The following HTR1F variants were observed in gnomAD, a reference collection of about 807,000 sequenced individuals.
HTR1F encodes 5-hydroxytryptamine receptor 1F, also known as 5-hydroxytryptamine (serotonin) receptor 1F, G protein-coupled.
A neutral mutation model predicts 24.0 loss-of-function variants in HTR1F; 17 were observed. That is an observed-to-expected ratio of 0.71 (90% confidence interval 0.48 to 1.06). The LOEUF is 1.06. Ranked by LOEUF, HTR1F falls within the 50% of genes least tolerant of loss-of-function variation. The pLI is 0.00. For synonymous variants in HTR1F, 186 were observed against 156.8 expected, an observed-to-expected ratio of 1.19 and a Z score of -1.39; for missense variants, 391 against 427.8, an observed-to-expected ratio of 0.91 and a Z score of 0.76.
chr3:87,916,877 T>A (rs1156459785), intron 2 of HTR1F, among the ~76,000 whole-genome samples: 1 of 152,136 alleles, frequency 6.6e-6, no homozygotes, highest in Non-Finnish European at 1.5e-5. Flanking sequence ...AACAGCTATA[T>A]GCAGAGCATT....
At chr3:87,868,617 A>AT (rs1705477520) in intron 2 of HTR1F, among the ~76,000 whole-genome samples, 1 of 151,820 alleles carries the variant, frequency 6.6e-6, no homozygotes, top group African/African-American at 2.4e-5. Context: ...TAAAATATAT[A>AT]TTTTAGATAA....
chr3:87,906,250 T>C (rs1171690456), intron 2 of HTR1F, among the ~76,000 whole-genome samples: 1 of 152,100 alleles, frequency 6.6e-6, no homozygotes, highest in African/African-American at 2.4e-5. Context: ...TAAGGCCTTA[T>C]GTGAAACTTG....
At chr3:87,851,859 A>G (rs1225830929) in intron 2 of HTR1F, among the ~76,000 whole-genome samples, 1 of 151,522 alleles carries the variant, frequency 6.6e-6, no homozygotes, top group Non-Finnish European at 1.5e-5. Context: ...ATGATGTTAC[A>G]TTAGGATTAG....
intron 2 of HTR1F, among the ~76,000 whole-genome samples, chr3:87,875,405 A>T (rs1288243108): frequency 2.6e-5 from 4 of 151,716 alleles, no homozygotes; most frequent in Non-Finnish European, 5.9e-5. Context: ...AGCCGAGATC[A>T]TACCACTGCA....
At chr3:87,929,768 A>G (rs9830274) in intron 2 of HTR1F, among the ~76,000 whole-genome samples, 66,501 of 151,890 alleles carry the variant, frequency 0.44, 15,548 homozygotes, top group African/African-American at 0.61. Flanking sequence ...GCTTAGGATT[A>G]TCTTGGCTAT....
chr3:87,985,885 C>T (rs984195170), intron 2 of HTR1F, among the ~76,000 whole-genome samples: 1 of 152,210 alleles, frequency 6.6e-6, no homozygotes, highest in Non-Finnish European at 1.5e-5. Flanking sequence ...ATTTTAAAAA[C>T]TGAGTAAGCA....
chr3:87,875,604 C>A (rs1288484662), intron 2 of HTR1F, among the ~76,000 whole-genome samples: 1 of 151,842 alleles, frequency 6.6e-6, no homozygotes, highest in East Asian at 1.9e-4. Context: ...GACACAACAG[C>A]AAAAAATCAA....
intron 2 of HTR1F, among the ~76,000 whole-genome samples, chr3:87,929,092 A>C (rs1704196970): frequency 6.6e-6 from 1 of 152,232 alleles, no homozygotes. Flanking sequence ...TTGATGAGTA[A>C]GAAATTAAGT....
intron 2 of HTR1F, among the ~76,000 whole-genome samples, chr3:87,901,957 A>C (rs1706333649): frequency 6.6e-6 from 1 of 152,146 alleles, no homozygotes; most frequent in South Asian, 2.1e-4. Context: ...AAATGCAGTA[A>C]TAAACCATAG....
At chr3:87,872,605 G>A (rs1233619098) in intron 2 of HTR1F, among the ~76,000 whole-genome samples, 1 of 151,582 alleles carries the variant, frequency 6.6e-6, no homozygotes, top group Admixed American at 6.6e-5. Flanking sequence ...AAATGAAAGA[G>A]GAGACACTAC....
At chr3:87,886,814 C>T (rs1008924111) in intron 2 of HTR1F, among the ~76,000 whole-genome samples, 25 of 152,228 alleles carry the variant, frequency 1.6e-4, no homozygotes, top group African/African-American at 5.5e-4. Flanking sequence ...CAAACCACTG[C>T]TCAATGAAAT....
intron 2 of HTR1F, among the ~76,000 whole-genome samples, chr3:87,839,317 C>T (rs895438003): frequency 6.6e-6 from 1 of 152,100 alleles, no homozygotes; most frequent in Non-Finnish European, 1.5e-5. Flanking sequence ...CCACCATCTA[C>T]TGAAAAGACT....
At chr3:87,862,952 G>C (rs1469196043) in intron 2 of HTR1F, among the ~76,000 whole-genome samples, 2 of 152,026 alleles carry the variant, frequency 1.3e-5, no homozygotes, top group East Asian at 3.9e-4. Context: ...GAGTAGCTGG[G>C]ATTACAAACA....
At chr3:87,913,751 A>G (rs541838971) in intron 2 of HTR1F, among the ~76,000 whole-genome samples, 4 of 152,296 alleles carry the variant, frequency 2.6e-5, no homozygotes, top group African/African-American at 9.6e-5. Flanking sequence ...ATACTATGCA[A>G]CCATACAAAA....
chr3:87,859,467 G>A (rs1425921592), intron 2 of HTR1F, among the ~76,000 whole-genome samples: 2 of 152,174 alleles, frequency 1.3e-5, no homozygotes, highest in African/African-American at 4.8e-5. Context: ...CAAAACAGTA[G>A]CAAATTTTGT....
intron 2 of HTR1F, among the ~76,000 whole-genome samples, chr3:87,831,510 C>T (rs1364294783): frequency 1.3e-5 from 2 of 151,570 alleles, no homozygotes; most frequent in African/African-American, 2.4e-5. Context: ...TTACAGGCGC[C>T]GGCCACCACG....
intron 2 of HTR1F, among the ~76,000 whole-genome samples, chr3:87,948,413 G>A (rs2107456840): frequency 6.6e-6 from 1 of 151,974 alleles, no homozygotes; most frequent in Non-Finnish European, 1.5e-5. Flanking sequence ...ATTTATTTAT[G>A]CATAAATTGA....
intron 2 of HTR1F, among the ~76,000 whole-genome samples, chr3:87,827,181 A>G (rs1337864919): frequency 1.3e-5 from 2 of 150,926 alleles, no homozygotes; most frequent in Admixed American, 6.6e-5. Flanking sequence ...CAGGTTCATT[A>G]CATAGGTATA....
Position 87,882,949 on chromosome 3 carries a change from G to A in HTR1F, c.-43+60825G>A, listed in dbSNP as rs114674476. ...TCTGACTGCTCTGAAGAGAACAGTG[G>A]TCCTCCCAGGATGGCGTTGGAGCTC... On this transcript the variant is annotated intron_variant, in intron 2 of 2. Transcript: ENST00000319595. 3.8e-3 allele frequency among the ~76,000 whole-genome samples: 583 copies of A among 152,270 alleles called. 3 individuals are homozygous for A. The highest frequency in any genetic ancestry group is 0.013 in the African/African-American group (545 of 41,562).
Sources: allele counts gnomAD v4.1 joint callset (sites outside exome capture counted in the v4.1 genomes callset), GRCh38; gene constraint gnomAD v4.1.1; transcripts MANE v1.5; gene names NCBI Gene and HGNC (gene_info 2026-07-23, HGNC 2026-07-21).